The following CFAP20DC variants were observed in gnomAD, a reference collection of about 807,000 sequenced individuals.
The protein encoded by CFAP20DC is CFAP20 domain containing, also known as protein CFAP20DC.
A neutral mutation model predicts 101.7 loss-of-function variants in CFAP20DC; 84 were observed. The ratio of observed to expected loss-of-function variants is 0.83; its 90% CI spans 0.69 to 0.99. The LOEUF (loss-of-function observed/expected upper bound fraction) is 0.99, where lower values mean the gene tolerates loss of function less well. CFAP20DC is among the 50% of genes least tolerant of loss of function. The probability of loss-of-function intolerance (pLI) is 0.00; values close to 1 mark genes in which losing one functional copy is unlikely to be tolerated. For synonymous variants in CFAP20DC, 359 were observed against 351.2 expected (o/e 1.02, Z -0.25); for missense variants, 1,007 against 970.3 (o/e 1.04, Z -0.50).
At chr3:58,918,181 G>A (rs1401658544) in intron 5 of CFAP20DC, among the ~76,000 whole-genome samples, 1 of 152,126 alleles carries the variant, frequency 6.6e-6, no homozygotes, top group East Asian at 1.9e-4. Context: ...CTCTGGAGTT[G>A]AAGTTCACTT....
Position 58,894,651 on chromosome 3 carries a change from T to C in CFAP20DC, c.551-9942A>G, listed in dbSNP as rs2082525345. Among the ~76,000 whole-genome samples the C allele has an allele frequency of 6.6e-6, 1 of 152,206 alleles. No homozygotes were observed. Among genetic ancestry groups the C allele is most frequent in the Admixed American group, 6.5e-5 (1 of 15,280 alleles). Reference sequence around the variant, plus strand: ...ACACAGTGCAAGCTGTCAGTGGATCTACCATTCCGGGGTTTGGAGGATGGT... The same window carrying C: ...ACACAGTGCAAGCTGTCAGTGGATCCACCATTCCGGGGTTTGGAGGATGGT... On this transcript the variant is annotated intron_variant, in intron 6 of 16. Transcript: ENST00000482387. This position sits in a 1 kb window ranked among gnomAD's most constrained non-coding sequence, Gnocchi z 4.1.
rs952156491 is a variant in CFAP20DC, at chr3:58,849,385, G to A, written c.1618C>T (p.Arg540Ter). Residue 540 changes from arginine to a stop codon, truncating the protein, a stop_gained, in exon 13 of 17, where the codon CGA (arginine) becomes TGA (stop). Transcript: ENST00000482387. LOFTEE classifies it high-confidence loss of function. ...TCTGAAGGACCAGTTGTTGGGCCTC[G>A]AGAACCCTGGATACTGTGGTTACCC... Reference protein sequence around the residue: ...EEGNHSIQGSRGPTTGPSELT... With the variant: ...EEGNHSIQGS The A allele has an allele frequency of 4.6e-6, 7 of 1,534,826 alleles. No individual in the cohort carries two copies. The highest frequency in any genetic ancestry group is 5.2e-6 in the Non-Finnish European group (6 of 1,146,342).
At chr3:58,858,898 G>A (rs1032085823) in intron 12 of CFAP20DC, among the ~76,000 whole-genome samples, 1 of 152,096 alleles carries the variant, frequency 6.6e-6, no homozygotes, top group Non-Finnish European at 1.5e-5. Context: ...ACAGTTATTT[G>A]CACAAATTCA....
In CFAP20DC at chr3:59,049,903, G is replaced by T; in HGVS notation, c.-272C>A. On this transcript the variant is annotated 5_prime_UTR_variant, in exon 1 of 17. Coordinates refer to ENST00000482387, the MANE Select transcript of CFAP20DC (RefSeq NM_001394063.1). Reference sequence around the variant, plus strand: ...CAGCTGCCTGGACGGACTCCGGGCCGTCCCTGGGGAGTGATTGTGTGTGTA... The same window carrying T: ...CAGCTGCCTGGACGGACTCCGGGCCTTCCCTGGGGAGTGATTGTGTGTGTA... 1 of 540,242 alleles carries T rather than the reference G, an allele frequency of 1.9e-6. No individual in the cohort carries two copies. Among genetic ancestry groups the T allele is most frequent in the Non-Finnish European group, 3.3e-6 (1 of 303,782 alleles). 33.5% of individuals were successfully genotyped at this position (540,242 alleles called of 1,614,324 possible).
intron 5 of CFAP20DC, among the ~76,000 whole-genome samples, chr3:58,916,639 A>C (rs1269541437): frequency 6.6e-6 from 1 of 152,154 alleles, no homozygotes; most frequent in Non-Finnish European, 1.5e-5. Flanking sequence ...AATGGCTGGG[A>C]ATTGATAACT....
chr3:58,776,743 A>G (rs575650225), intron 15 of CFAP20DC, among the ~76,000 whole-genome samples: 4 of 151,484 alleles, frequency 2.6e-5, no homozygotes, highest in Non-Finnish European at 5.9e-5. Context: ...CATTCCAACT[A>G]AGAACTTAAG....
chr3:58,733,902 A>T (rs999275449), intron 3 of CFAP20DC, among the ~76,000 whole-genome samples: 1 of 152,188 alleles, frequency 6.6e-6, no homozygotes, highest in African/African-American at 2.4e-5. Context: ...TTAGTCTTAT[A>T]ATAGGGTAAA....
chr3:58,837,430 A>G (rs1260749864), intron 13 of CFAP20DC, among the ~76,000 whole-genome samples: 1 of 152,160 alleles, frequency 6.6e-6, no homozygotes, highest in Admixed American at 6.5e-5. Flanking sequence ...GGTAAAACCA[A>G]ATGTGGGGAT....
chr3:58,948,349 C>A (rs1288794293), intron 4 of CFAP20DC, among the ~76,000 whole-genome samples: 2 of 152,226 alleles, frequency 1.3e-5, no homozygotes, highest in Admixed American at 1.3e-4. Context: ...TCCCTGAAAA[C>A]TTCTTCGATC....
At chr3:58,812,573 G>C (rs916249224) in intron 14 of CFAP20DC, among the ~76,000 whole-genome samples, 5 of 151,564 alleles carry the variant, frequency 3.3e-5, no homozygotes, top group African/African-American at 1.2e-4. Flanking sequence ...GGGGAGCGGG[G>C]AGGGATAGCA....
At chr3:58,792,630 A>G (rs552424001) in intron 15 of CFAP20DC, among the ~76,000 whole-genome samples, 1 of 152,000 alleles carries the variant, frequency 6.6e-6, no homozygotes, top group Admixed American at 6.6e-5. Context: ...AAAATAAGTA[A>G]TTCATCTTAT....
chr3:58,941,905 A>G (rs951327084), intron 4 of CFAP20DC, among the ~76,000 whole-genome samples: 12 of 152,188 alleles, frequency 7.9e-5, no homozygotes, highest in African/African-American at 2.9e-4. Context: ...CCTTCAGCAC[A>G]TCTTAAATAG....
chr3:58,885,168 T>C (rs978636991), intron 6 of CFAP20DC, among the ~76,000 whole-genome samples: 10 of 152,156 alleles, frequency 6.6e-5, no homozygotes, highest in African/African-American at 2.4e-4. Context: ...TTTGAAATAA[T>C]TTTAGACTTT....
At chr3:58,893,674 C>T (rs2082434245) in intron 6 of CFAP20DC, among the ~76,000 whole-genome samples, 2 of 151,988 alleles carry the variant, frequency 1.3e-5, no homozygotes, top group African/African-American at 2.4e-5. Context: ...GGAGTCCCTC[C>T]TTTTCAATTG....
intron 4 of CFAP20DC, among the ~76,000 whole-genome samples, chr3:58,988,240 T>C (rs1427850738): frequency 6.6e-6 from 1 of 151,988 alleles, no homozygotes; most frequent in Non-Finnish European, 1.5e-5. Context: ...TTCAATGAAA[T>C]TCAACACCCA....
intron 4 of CFAP20DC, among the ~76,000 whole-genome samples, chr3:58,972,880 T>G (rs2092031247): frequency 6.6e-6 from 1 of 152,216 alleles, no homozygotes; most frequent in South Asian, 2.1e-4. Context: ...CAACTAGATA[T>G]CACGTTCATT....
At chr3:59,043,017 C>A (rs962718940) in intron 3 of CFAP20DC, among the ~76,000 whole-genome samples, 1 of 152,056 alleles carries the variant, frequency 6.6e-6, no homozygotes, top group Non-Finnish European at 1.5e-5. Context: ...GGAGTAAAGA[C>A]CAGAAGTTAG....
At chr3:59,047,330 G>A in intron 1 of CFAP20DC, 76 bp from the exon 2 acceptor site, 1 of 960,742 alleles carries the variant, frequency 1.0e-6, no homozygotes, top group East Asian at 2.6e-5. Flanking sequence ...TATAACCAGT[G>A]TTCCCGGCAT....
chr3:58,874,149 G>T lies in CFAP20DC; in HGVS notation c.716-3840C>A, dbSNP rs1164547998. On this transcript the variant is annotated intron_variant, in intron 7 of 16. Transcript: ENST00000482387. This position sits in a 1 kb window ranked among gnomAD's most constrained non-coding sequence, Gnocchi z 5.1. ...AGTGTCTGAAAGGCACTTCAAACTG[G>T]AAACCTGGTCTAATGAATGGGACCA... Among the ~76,000 whole-genome samples, 1 of 152,186 alleles carries T rather than the reference G, an allele frequency of 6.6e-6. No homozygotes were observed. Among genetic ancestry groups the T allele is most frequent in the East Asian group, 1.9e-4 (1 of 5,186 alleles).
Sources: gnomAD v4.1 joint callset for allele counts (sites outside exome capture counted in the v4.1 genomes callset) on GRCh38, gnomAD v4.1.1 for gene constraint, Gnocchi (gnomAD v3.1) non-coding constraint, MANE v1.5 for transcripts, NCBI Gene and HGNC (gene_info 2026-07-23, HGNC 2026-07-21) for gene names.